Variants in GALNT16 observed in about 807,000 individuals in gnomAD.
The protein encoded by GALNT16 is polypeptide N-acetylgalactosaminyltransferase 16.
A neutral mutation model predicts 76.1 loss-of-function variants in GALNT16; 40 were observed. The observed-to-expected ratio is 0.53, with a 90% confidence interval of 0.41 to 0.68. The LOEUF (loss-of-function observed/expected upper bound fraction) is 0.68. Among genes scored for constraint, GALNT16 ranks in the 30% least tolerant of loss-of-function variants. The pLI is 0.00. For synonymous variants in GALNT16, 276 were observed against 285.2 expected (o/e 0.97, Z 0.32); for missense variants, 621 against 731.9 (o/e 0.85, Z 1.75).
chr14:69,372,090 C>T, the GALNT16 span, among the ~76,000 whole-genome samples: 10 of 152,094 alleles, frequency 6.6e-5, no homozygotes, highest in Admixed American at 6.5e-4. Context: ...GTGGAGTTAC[C>T]TTTATGGATG....
chr14:69,308,392 G>A (rs1001956633), intron 1 of GALNT16, among the ~76,000 whole-genome samples: 1 of 151,286 alleles, frequency 6.6e-6, no homozygotes, highest in Non-Finnish European at 1.5e-5. Context: ...CTGTAGAGCG[G>A]TTTCCTGTGT....
At chr14:69,264,819 C>CTTTCTTTTTTTTTTTTT (rs770742554) in intron 1 of GALNT16, among the ~76,000 whole-genome samples, 1 of 96,600 alleles carries the variant, frequency 1.0e-5, no homozygotes, top group Non-Finnish European at 1.8e-5. Flanking sequence ...CTTTTTCTTT[C>CTTTCTTTTTTTTTTTTT]TTTTTTTTTT....
chr14:69,336,269 C>A (rs1054488773), intron 9 of GALNT16, among the ~76,000 whole-genome samples: 1 of 152,212 alleles, frequency 6.6e-6, no homozygotes, highest in Non-Finnish European at 1.5e-5. Context: ...ACCACCAGGC[C>A]CGGCTAATTT....
intron 1 of GALNT16, among the ~76,000 whole-genome samples, chr14:69,283,873 A>C (rs979660443): frequency 6.6e-6 from 1 of 152,108 alleles, no homozygotes; most frequent in Non-Finnish European, 1.5e-5. Flanking sequence ...TGCACCTACT[A>C]TGTGTCATGA....
chr14:69,313,023 G>A (rs1398346599), intron 1 of GALNT16, among the ~76,000 whole-genome samples: 1 of 152,224 alleles, frequency 6.6e-6, no homozygotes, highest in Admixed American at 6.5e-5. Context: ...GCATACTATT[G>A]TACCTCTAGG....
the GALNT16 span, among the ~76,000 whole-genome samples, chr14:69,366,276 A>C: frequency 2.0e-5 from 3 of 151,908 alleles, no homozygotes; most frequent in African/African-American, 7.3e-5. Context: ...CCCCCACCTC[A>C]ATCCATGATG....
chr14:69,269,285 G>A (rs1283198985), intron 1 of GALNT16, among the ~76,000 whole-genome samples: 2 of 152,080 alleles, frequency 1.3e-5, no homozygotes, highest in African/African-American at 4.8e-5. Flanking sequence ...TGTGGTATGT[G>A]TGGTGTGTGG....
intron 14 of GALNT16, 144 bp downstream of exon 14, chr14:69,348,146 A>C (rs889738358): frequency 5.4e-6 from 4 of 745,628 alleles, no homozygotes; most frequent in Non-Finnish European, 8.9e-6. Context: ...CAAAGTCTAC[A>C]TCTAGGTCAA....
intron 9 of GALNT16, 101 bp from the exon 10 acceptor site, chr14:69,338,550 G>A: frequency 6.6e-7 from 1 of 1,522,718 alleles, no homozygotes; most frequent in Non-Finnish European, 8.9e-7. Context: ...ACCCCAACAT[G>A]TACCTCCAGT....
intron 1 of GALNT16, among the ~76,000 whole-genome samples, chr14:69,314,920 A>AT (rs766058953): frequency 1.5e-4 from 23 of 152,220 alleles, no homozygotes; most frequent in Non-Finnish European, 2.5e-4. Flanking sequence ...CCCAGCAGGT[A>AT]CCTGTTTTAC....
chr14:69,321,540 C>T (rs554668938), intron 2 of GALNT16, among the ~76,000 whole-genome samples: 1 of 152,314 alleles, frequency 6.6e-6, no homozygotes, highest in East Asian at 1.9e-4. Context: ...AGTCTGAGTT[C>T]CTGATGCTGA....
the GALNT16 span, among the ~76,000 whole-genome samples, chr14:69,377,424 T>C: frequency 1.3e-5 from 2 of 152,238 alleles, no homozygotes; most frequent in African/African-American, 4.8e-5. Flanking sequence ...ATGATAAATA[T>C]GTAGAAATAT....
At position 69,262,820 on chromosome 14, in the gene GALNT16, G is replaced by A. The variant is rs562954272; in HGVS notation, c.177+2353G>A. ...GCAGCTGAATGTAAGTGATGCATGCGGGAACTGTGCTGGAAGCTCCTTGCA... is the reference window on the plus strand; with the variant it reads ...GCAGCTGAATGTAAGTGATGCATGCAGGAACTGTGCTGGAAGCTCCTTGCA... On this transcript the variant is annotated intron_variant, in intron 1 of 14. Transcript: ENST00000448469. Among the ~76,000 whole-genome samples, 65 of 152,168 alleles carry A rather than the reference G, an allele frequency of 4.3e-4. No homozygotes were observed. The South Asian group carries it at 0.013, about 31-fold the overall frequency.
chr14:69,385,404 T>C, the GALNT16 span, among the ~76,000 whole-genome samples: 9 of 152,156 alleles, frequency 5.9e-5, no homozygotes, highest in Non-Finnish European at 1.0e-4. Flanking sequence ...GCTCCTTATC[T>C]TTCTGAGATA....
chr14:69,325,400 A>G lies in GALNT16; in HGVS notation c.498A>G (p.Ser166=). 2 of 1,577,264 alleles carry G rather than the reference A, an allele frequency of 1.3e-6. No homozygotes were observed. Among genetic ancestry groups the G allele is most frequent in the Non-Finnish European group, 1.7e-6 (2 of 1,146,398 alleles). ...QEIILVDDFS[S]DPEDCLLLTR... ...TCATTTTAGTGGATGACTTCAGCTCAGATCGTGAGTAGTCACCTTCCTTTT... is the reference window on the plus strand; with the variant it reads ...TCATTTTAGTGGATGACTTCAGCTCGGATCGTGAGTAGTCACCTTCCTTTT... The change falls in exon 4 of 15, where the codon TCA becomes TCG. Residue 166 remains serine (S), a synonymous_variant. Coordinates refer to ENST00000448469, the MANE Select transcript of GALNT16 (RefSeq NM_001168368.2).
the GALNT16 span, among the ~76,000 whole-genome samples, chr14:69,372,558 C>T: frequency 5.3e-5 from 7 of 132,878 alleles, no homozygotes; most frequent in South Asian, 4.8e-4. Flanking sequence ...TGCAGTGATG[C>T]GATCTCGGCT....
intron 1 of GALNT16, among the ~76,000 whole-genome samples, chr14:69,320,093 A>G (rs1671532): frequency 2.0e-5 from 3 of 152,060 alleles, no homozygotes; most frequent in South Asian, 2.1e-4. Context: ...TCACCCCCCC[A>G]ATATCCCGCA....
the GALNT16 span, among the ~76,000 whole-genome samples, chr14:69,371,983 CA>C: frequency 6.6e-6 from 1 of 152,014 alleles, no homozygotes; most frequent in Non-Finnish European, 1.5e-5. Context: ...AATAAGTTAT[CA>C]TTCACCTGGC....
At chr14:69,331,311 A>G (rs929645858) in intron 6 of GALNT16, among the ~76,000 whole-genome samples, 153 bp from the exon 7 acceptor site, 16 of 152,286 alleles carry the variant, frequency 1.1e-4, no homozygotes, top group African/African-American at 3.8e-4. Flanking sequence ...AGCTGCCAGG[A>G]GCCTGCCAGG....
Sources: allele counts gnomAD v4.1 joint callset (sites outside exome capture counted in the v4.1 genomes callset), GRCh38; gene constraint gnomAD v4.1.1; transcripts MANE v1.5; gene names NCBI Gene and HGNC (gene_info 2026-07-23, HGNC 2026-07-21).